SNX7: variants seen among roughly 807,000 people sequenced by gnomAD.
SNX7 encodes sorting nexin-7.
Under a neutral mutation model 48.4 loss-of-function variants are expected in SNX7, and 35 were observed. That is an observed-to-expected ratio of 0.72 (90% CI 0.55 to 0.96). SNX7 has a LOEUF of 0.96. Among genes scored for constraint, SNX7 ranks in the 40% least tolerant of loss-of-function variants. SNX7 has a pLI of 0.00. For synonymous variants in SNX7, 190 were observed against 190.2 expected, an observed-to-expected ratio of 1.00 and a Z score of 0.01; for missense variants, 553 against 548.9, an observed-to-expected ratio of 1.01 and a Z score of -0.07.
chr1:98,694,539 C>T (rs962648872), intron 4 of SNX7, among the ~76,000 whole-genome samples: 6 of 150,192 alleles, frequency 4.0e-5, no homozygotes, highest in South Asian at 4.2e-4. Flanking sequence ...ATAATGAAGC[C>T]TCTGGAATCA....
intron 7 of SNX7, among the ~76,000 whole-genome samples, chr1:98,726,501 T>C (rs1653179000): frequency 6.6e-6 from 1 of 152,176 alleles, no homozygotes; most frequent in Non-Finnish European, 1.5e-5. Flanking sequence ...ACTGGACATG[T>C]AAAAATGTCC....
At chr1:98,748,660 A>ACACACACG (rs1368046617) in intron 8 of SNX7, among the ~76,000 whole-genome samples, 4 of 151,784 alleles carry the variant, frequency 2.6e-5, no homozygotes, top group Non-Finnish European at 4.4e-5. Flanking sequence ...ACACACACAC[A>ACACACACG]CACACACACA....
intron 7 of SNX7, among the ~76,000 whole-genome samples, chr1:98,737,688 A>G (rs1183608922): frequency 6.6e-6 from 1 of 152,138 alleles, no homozygotes; most frequent in Non-Finnish European, 1.5e-5. Flanking sequence ...CTTGAATTAT[A>G]AACTTGCCTC....
intron 4 of SNX7, 43 bp from the exon 5 acceptor site, chr1:98,695,475 T>C (rs1329128761): frequency 6.4e-6 from 10 of 1,562,764 alleles, no homozygotes; most frequent in South Asian, 1.1e-5. Flanking sequence ...TCTCGGAATA[T>C]TGAGACTTGT....
At chr1:98,696,266 T>C (rs971857648) in intron 5 of SNX7, among the ~76,000 whole-genome samples, 8 of 152,046 alleles carry the variant, frequency 5.3e-5, no homozygotes, top group Non-Finnish European at 1.2e-4. Flanking sequence ...TTGCATTTAC[T>C]TACATTAAAA....
chr1:98,663,279 T>TCGGGGCTGGACCCA (rs1649362676), intron 1 of SNX7, among the ~76,000 whole-genome samples: 1 of 130,522 alleles, frequency 7.7e-6, no homozygotes, highest in African/African-American at 3.0e-5. Context: ...TTTTTTTTTT[T>TCGGGGCTGGACCCA]TTTTTTTTTT....
At chr1:98,688,654 TG>T (rs1197252158) in intron 2 of SNX7, among the ~76,000 whole-genome samples, 1 of 152,172 alleles carries the variant, frequency 6.6e-6, no homozygotes, top group African/African-American at 2.4e-5. Context: ...TAAATGCTTT[TG>T]GGGGTAGAGA....
chr1:98,686,936 A>T (rs1650833814), intron 2 of SNX7, among the ~76,000 whole-genome samples: 1 of 152,144 alleles, frequency 6.6e-6, no homozygotes, highest in African/African-American at 2.4e-5. Context: ...TTCTAAAGCC[A>T]CCTTGTGAGT....
chr1:98,755,120 T>C (rs1654778479), intron 8 of SNX7, among the ~76,000 whole-genome samples: 1 of 152,160 alleles, frequency 6.6e-6, no homozygotes. Flanking sequence ...AAAGATATCT[T>C]TCTGGTACTG....
At position 98,698,751 on chromosome 1, in the gene SNX7, G is replaced by A. The variant is rs1451496981; in HGVS notation, c.884G>A (p.Trp295Ter). The change falls in exon 6 of 9, where the codon TGG becomes TAG. Residue 295 changes from tryptophan (W) to a stop codon, truncating the protein, a stop_gained. Transcript: ENST00000306121. LOFTEE classifies it high-confidence loss of function. Reference sequence around the variant, plus strand: ...GAATATGGCCCAATTCATATTCTGTGGTCAGCGTCAGAAGAGGATCTGGTT... The same window carrying A: ...GAATATGGCCCAATTCATATTCTGTAGTCAGCGTCAGAAGAGGATCTGGTT... ...MKEYGPIHIL[W>*]SASEEDLVDT... 1 of 1,612,974 alleles carries A rather than the reference G, an allele frequency of 6.2e-7. No homozygotes were observed. The highest frequency in any genetic ancestry group is 8.5e-7 in the Non-Finnish European group (1 of 1,179,564).
chr1:98,754,865 C>CT (rs532404054), intron 8 of SNX7, among the ~76,000 whole-genome samples: 2 of 148,802 alleles, frequency 1.3e-5, no homozygotes, highest in South Asian at 2.1e-4. Context: ...TTTAATTGTT[C>CT]TTTTTTTGGT....
chr1:98,662,483 T>A, intron 1 of SNX7: 2 of 339,804 alleles, frequency 5.9e-6, no homozygotes, highest in Non-Finnish European at 1.1e-5. Flanking sequence ...GAGCTAAGGA[T>A]TTTTCAGATG....
chr1:98,687,668 A>G (rs1444643139), intron 2 of SNX7, among the ~76,000 whole-genome samples: 1 of 152,130 alleles, frequency 6.6e-6, no homozygotes, highest in Non-Finnish European at 1.5e-5. Context: ...ATGATATTAA[A>G]TAATTAATTT....
intron 1 of SNX7, among the ~76,000 whole-genome samples, chr1:98,667,359 T>C (rs1217831424): frequency 1.3e-5 from 2 of 152,066 alleles, no homozygotes; most frequent in African/African-American, 4.8e-5. Flanking sequence ...ATAAGCTTAG[T>C]GGTTAGGAGT....
chr1:98,667,916 A>T (rs952653598), intron 1 of SNX7, among the ~76,000 whole-genome samples: 2 of 151,710 alleles, frequency 1.3e-5, no homozygotes, highest in Non-Finnish European at 2.9e-5. Flanking sequence ...TAGGAAAAAA[A>T]AAACAAAAAA....
chr1:98,682,311 G>T (rs1031896793), intron 1 of SNX7, among the ~76,000 whole-genome samples: 3 of 151,968 alleles, frequency 2.0e-5, no homozygotes, highest in Non-Finnish European at 4.4e-5. Flanking sequence ...CTCTAGGTTT[G>T]CTGCAAAACT....
chr1:98,668,013 T>C (rs914838751), intron 1 of SNX7, among the ~76,000 whole-genome samples: 4 of 152,218 alleles, frequency 2.6e-5, no homozygotes, highest in African/African-American at 9.6e-5. Flanking sequence ...AATTTCACTC[T>C]GTGCCATTAT....
chr1:98,675,478 T>C (rs1013561906), intron 1 of SNX7, among the ~76,000 whole-genome samples: 5 of 152,138 alleles, frequency 3.3e-5, no homozygotes, highest in Admixed American at 3.3e-4. Flanking sequence ...ACTGTACTCA[T>C]TGGAATTGTG....
intron 7 of SNX7, among the ~76,000 whole-genome samples, chr1:98,736,780 G>T (rs983167671): frequency 5.3e-5 from 8 of 152,098 alleles, no homozygotes; most frequent in African/African-American, 1.9e-4. Flanking sequence ...TATTTAAAAA[G>T]GAGCTAATTC....
Sources: gnomAD v4.1 joint callset for allele counts (sites outside exome capture counted in the v4.1 genomes callset) on GRCh38, gnomAD v4.1.1 for gene constraint, MANE v1.5 for transcripts, NCBI Gene and HGNC (gene_info 2026-07-23, HGNC 2026-07-21) for gene names.